Variants in EDIL3 observed in about 807,000 individuals in gnomAD.
The protein encoded by EDIL3 is EGF-like repeat and discoidin I-like domain-containing protein 3.
In EDIL3, 37 loss-of-function variants were observed where a neutral mutation model predicts 67.4. The ratio of observed to expected loss-of-function variants is 0.55; its 90% confidence interval spans 0.42 to 0.72. The LOEUF is 0.72. EDIL3 is among the 30% of genes least tolerant of loss of function. The pLI is 0.00. For synonymous variants in EDIL3, 195 were observed against 196.3 expected, an observed-to-expected ratio of 0.99 and a Z score of 0.05; for missense variants, 527 against 586.3, an observed-to-expected ratio of 0.90 and a Z score of 1.04.
chr5:84,216,603 T>C (rs1454205052), intron 3 of EDIL3, among the ~76,000 whole-genome samples: 2 of 152,204 alleles, frequency 1.3e-5, no homozygotes, highest in Non-Finnish European at 2.9e-5. Context: ...CTTTAACATT[T>C]AGTGTTCTCC....
At chr5:84,356,298 C>T (rs531614706) in intron 1 of EDIL3, among the ~76,000 whole-genome samples, 10 of 152,304 alleles carry the variant, frequency 6.6e-5, no homozygotes, top group African/African-American at 1.4e-4. Flanking sequence ...ACAAACTCCA[C>T]GAATGTTTTA....
At chr5:84,239,178 GA>G (rs1744744101) in intron 2 of EDIL3, among the ~76,000 whole-genome samples, 1 of 152,068 alleles carries the variant, frequency 6.6e-6, no homozygotes, top group Non-Finnish European at 1.5e-5. Flanking sequence ...TTTCTTAACT[GA>G]GATAAATATC....
At chr5:83,988,863 A>C (rs1215335152) in intron 9 of EDIL3, among the ~76,000 whole-genome samples, 1 of 152,204 alleles carries the variant, frequency 6.6e-6, no homozygotes, top group African/African-American at 2.4e-5. Context: ...AATAAAGAGT[A>C]ATAAGCCGTT....
rs536825495 is a variant in EDIL3, at chr5:84,161,961, G to A, written c.355+18432C>T. Among the ~76,000 whole-genome samples the A allele has an allele frequency of 1.1e-4, 16 of 152,234 alleles. No homozygotes were observed. The East Asian group carries it at 2.9e-3, about 28-fold the overall frequency. Reference sequence around the variant, plus strand: ...GAATTTAGAATTGAGGACCATAAGAGAAACAGCTTTCAACCCACTCTTCTC... The same window carrying A: ...GAATTTAGAATTGAGGACCATAAGAAAAACAGCTTTCAACCCACTCTTCTC... On this transcript the variant is annotated intron_variant, in intron 4 of 10. Transcript: ENST00000296591.
intron 2 of EDIL3, among the ~76,000 whole-genome samples, chr5:84,251,388 G>C (rs949453412): frequency 6.7e-6 from 1 of 150,198 alleles, no homozygotes; most frequent in East Asian, 1.9e-4. Flanking sequence ...TGGGATTACC[G>C]ACCAGCGTGA....
intron 3 of EDIL3, among the ~76,000 whole-genome samples, chr5:84,190,411 A>G (rs995012641): frequency 1.3e-5 from 2 of 151,998 alleles, no homozygotes; most frequent in East Asian, 1.9e-4. Context: ...AATACACATC[A>G]GCTTGCAGTG....
chr5:84,281,855 CTTTTTTTTTTT>C (rs10708663), intron 1 of EDIL3, among the ~76,000 whole-genome samples: 1 of 72,574 alleles, frequency 1.4e-5, no homozygotes, highest in African/African-American at 5.9e-5. Flanking sequence ...TTTTATTTCA[CTTTTTTTTTTT>C]TTTTTTTTTT....
intron 9 of EDIL3, among the ~76,000 whole-genome samples, chr5:84,059,880 G>T (rs1223348353): frequency 2.0e-5 from 3 of 152,152 alleles, no homozygotes; most frequent in African/African-American, 7.2e-5. Context: ...CACAGGTAAG[G>T]AGCTAATATG....
chr5:84,093,877 C>T (rs1325897545), intron 6 of EDIL3, among the ~76,000 whole-genome samples: 1 of 152,048 alleles, frequency 6.6e-6, no homozygotes, highest in Non-Finnish European at 1.5e-5. Context: ...CCAGGCTGGA[C>T]TTGAGCTCCC....
In EDIL3 at chr5:83,940,582, T is replaced by G. The variant is rs567698763; in HGVS notation, c.*2837A>C. The G allele has an allele frequency of 1.3e-5, 2 of 152,026 alleles. No homozygotes were observed. The highest frequency in any genetic ancestry group is 4.8e-5 in the African/African-American group (2 of 41,438). 9.4% of individuals were successfully genotyped at this position (152,026 alleles called of 1,614,324 possible). A position where few individuals can be genotyped will look rare whatever the true frequency, so the allele number is the denominator to read the frequency against. ...TCTTATAAATGTGTTTAATTACAAC[T>G]GCTTCAAAAGAATCCCAGCTTTTCA... On this transcript the variant is annotated 3_prime_UTR_variant, in exon 11 of 11. Coordinates refer to ENST00000296591, the MANE Select transcript of EDIL3 (RefSeq NM_005711.5).
chr5:84,095,055 A>G (rs1286404543), intron 6 of EDIL3, among the ~76,000 whole-genome samples: 7 of 152,276 alleles, frequency 4.6e-5, no homozygotes, highest in Non-Finnish European at 5.9e-5. Flanking sequence ...TTGCAGTTCC[A>G]ACAACAAGGT....
chr5:84,347,031 A>C (rs938810799), intron 1 of EDIL3, among the ~76,000 whole-genome samples: 3 of 152,200 alleles, frequency 2.0e-5, no homozygotes, highest in Non-Finnish European at 4.4e-5. Flanking sequence ...CTAAAAAAAA[A>C]TTGAGAAATT....
intron 1 of EDIL3, among the ~76,000 whole-genome samples, chr5:84,311,642 G>A (rs762753731): frequency 8.6e-5 from 13 of 151,960 alleles, no homozygotes; most frequent in Non-Finnish European, 1.8e-4. Flanking sequence ...CAATAGTGGA[G>A]GGATGGTCAG....
chr5:83,976,171 T>C (rs1280005906), intron 9 of EDIL3, among the ~76,000 whole-genome samples: 2 of 151,850 alleles, frequency 1.3e-5, no homozygotes, highest in East Asian at 1.9e-4. Context: ...TGGCCTTGTG[T>C]TGGGATGCAT....
chr5:84,270,572 T>C (rs781071060), intron 1 of EDIL3, among the ~76,000 whole-genome samples: 1 of 152,198 alleles, frequency 6.6e-6, no homozygotes, highest in African/African-American at 2.4e-5. Context: ...ATATGTATAC[T>C]GAGAGGGTGA....
chr5:84,248,800 T>C (rs954601112), intron 2 of EDIL3, among the ~76,000 whole-genome samples: 1 of 152,142 alleles, frequency 6.6e-6, no homozygotes, highest in Non-Finnish European at 1.5e-5. Flanking sequence ...AAATAAGCAA[T>C]AATTGTCTAT....
chr5:84,206,623 T>C (rs1097341), intron 3 of EDIL3, among the ~76,000 whole-genome samples: 81,334 of 151,836 alleles, frequency 0.54, 22,019 homozygotes, highest in East Asian at 0.72. Flanking sequence ...ATATCCTTGA[T>C]GAACATTGAT....
chr5:84,262,659 G>GTTTGTTTTTTTT (rs1745250856), intron 1 of EDIL3, among the ~76,000 whole-genome samples: 2 of 46,310 alleles, frequency 4.3e-5, no homozygotes, highest in African/African-American at 8.7e-5. Context: ...AGGTTGGTTG[G>GTTTGTTTTTTTT]TTTTTTTTTT....
chr5:84,260,864 T>TA (rs1174915486), intron 1 of EDIL3, among the ~76,000 whole-genome samples: 1 of 152,216 alleles, frequency 6.6e-6, no homozygotes, highest in Non-Finnish European at 1.5e-5. Context: ...CACAGAATGT[T>TA]ACCTCACTAA....
Sources: gnomAD v4.1 joint callset for allele counts (sites outside exome capture counted in the v4.1 genomes callset) on GRCh38, gnomAD v4.1.1 for gene constraint, MANE v1.5 for transcripts, NCBI Gene and HGNC (gene_info 2026-07-23, HGNC 2026-07-21) for gene names.